The following ZC3H18 variants were observed in gnomAD, a reference collection of about 807,000 sequenced individuals.
The protein encoded by ZC3H18 is zinc finger CCCH-type containing 18, also known as zinc finger CCCH domain-containing protein 18.
In ZC3H18, 8 loss-of-function variants were observed where a neutral mutation model predicts 106.1. The observed-to-expected ratio is 0.08, with a 90% CI of 0.04 to 0.14. The LOEUF (loss-of-function observed/expected upper bound fraction) is 0.14, where lower values mean the gene tolerates loss of function less well. Ranked by LOEUF, ZC3H18 falls within the 10% of genes least tolerant of loss-of-function variation. The pLI is 1.00. For synonymous variants in ZC3H18, 635 were observed against 522.1 expected (o/e 1.22, Z -2.95); for missense variants, 1,318 against 1,278.4 (o/e 1.03, Z -0.47).
chr16:88,571,699 G>A (rs1914418542), intron 1 of ZC3H18: 1 of 984,348 alleles, frequency 1.0e-6, no homozygotes, highest in African/African-American at 1.7e-5. Flanking sequence ...CCTACATCGT[G>A]TTTACAGAGA....
chr16:88,616,152 C>T (rs1254012599), intron 8 of ZC3H18, among the ~76,000 whole-genome samples: 1 of 152,218 alleles, frequency 6.6e-6, no homozygotes, highest in Non-Finnish European at 1.5e-5. Flanking sequence ...AGGAGTCTTA[C>T]ATTCAGGAAG....
intron 2 of ZC3H18, among the ~76,000 whole-genome samples, chr16:88,578,961 C>T (rs1273829525): frequency 7.9e-5 from 12 of 152,166 alleles, no homozygotes; most frequent in African/African-American, 2.9e-4. Context: ...GTGCTGGGAT[C>T]ACAGGCGTGA....
intron 3 of ZC3H18, among the ~76,000 whole-genome samples, chr16:88,596,994 C>T (rs975034931): frequency 1.3e-5 from 2 of 152,214 alleles, no homozygotes; most frequent in Non-Finnish European, 2.9e-5. Flanking sequence ...GATCTCGGCT[C>T]ACTGCAAGCT....
chr16:88,630,676 C>T (rs550746694), intron 17 of ZC3H18, 95 bp downstream of exon 17: 4 of 1,125,654 alleles, frequency 3.6e-6, no homozygotes, highest in East Asian at 5.3e-5. Context: ...TAGCACTGGG[C>T]CAGGCTGGAG....
intron 16 of ZC3H18, among the ~76,000 whole-genome samples, chr16:88,629,956 C>T (rs559425727): frequency 1.3e-5 from 2 of 152,354 alleles, no homozygotes; most frequent in African/African-American, 4.8e-5. Context: ...GGCCTGTGCC[C>T]TGTGTGGCTG....
chr16:88,630,248 T>A (rs948167424), intron 16 of ZC3H18: 2 of 514,956 alleles, frequency 3.9e-6, no homozygotes, highest in Non-Finnish European at 6.9e-6. Context: ...CGTGAGATAT[T>A]GGCTGCTTGC....
intron 16 of ZC3H18, among the ~76,000 whole-genome samples, chr16:88,629,109 C>A (rs1442275982): frequency 6.6e-6 from 1 of 152,128 alleles, no homozygotes; most frequent in Admixed American, 6.5e-5. Flanking sequence ...GAGGCTGAGG[C>A]CGGCAGATCA....
intron 6 of ZC3H18, among the ~76,000 whole-genome samples, chr16:88,600,760 T>G (rs1045519228): frequency 2.6e-4 from 40 of 152,158 alleles, no homozygotes; most frequent in Admixed American, 2.0e-4. Flanking sequence ...AAGAAGTGCC[T>G]GGGTCGAAGG....
chr16:88,573,995 T>C (rs1186471658), intron 1 of ZC3H18, among the ~76,000 whole-genome samples: 1 of 151,592 alleles, frequency 6.6e-6, no homozygotes, highest in East Asian at 1.9e-4. Context: ...TGCCTCAGCC[T>C]CCCGAGCAGC....
chr16:88,615,620 T>C (rs2142768110), intron 8 of ZC3H18, among the ~76,000 whole-genome samples: 1 of 152,256 alleles, frequency 6.6e-6, no homozygotes, highest in South Asian at 2.1e-4. Context: ...ATTCACAAAA[T>C]AGGGGTTTTC....
intron 12 of ZC3H18, 57 bp downstream of exon 12, chr16:88,624,802 A>C (rs913070306): frequency 6.5e-7 from 1 of 1,535,796 alleles, no homozygotes; most frequent in African/African-American, 1.4e-5. Context: ...TGCCACTGTG[A>C]TGCTGGCACT....
rs981439509 is a variant in ZC3H18 at position 88,598,499 on chromosome 16, G to C, written c.838-121G>C. 1.5e-5 allele frequency: 21 copies of C among 1,442,010 alleles called. No homozygotes were observed. In the African/African-American group the frequency reaches 2.7e-4, roughly 18 times the overall value. The allele number at this position is 1,442,010 out of a possible 1,614,324, so 89.3% of individuals were successfully genotyped here. A position where few individuals can be genotyped will look rare whatever the true frequency, so the allele number is the denominator to read the frequency against. On this transcript the variant is annotated intron_variant, in intron 4 of 17. Coordinates refer to ENST00000301011, the MANE Select transcript of ZC3H18 (RefSeq NM_144604.4). ...GCTTTCCGAGGACGGAGTGAGGCTTGGTGGAAGGAGAGCGGCCACACACGG... is the reference window on the plus strand; with the variant it reads ...GCTTTCCGAGGACGGAGTGAGGCTTCGTGGAAGGAGAGCGGCCACACACGG...
At chr16:88,630,764 C>CCG (rs1906630298) in intron 17 of ZC3H18, among the ~76,000 whole-genome samples, 183 bp downstream of exon 17, 1 of 110,728 alleles carries the variant, frequency 9.0e-6, no homozygotes, top group African/African-American at 3.1e-5. Flanking sequence ...CCACCCCCCC[C>CCG]CACACACACA....
chr16:88,621,449 C>T (rs1055225334), intron 8 of ZC3H18, among the ~76,000 whole-genome samples: 8 of 152,200 alleles, frequency 5.3e-5, no homozygotes, highest in African/African-American at 1.9e-4. Flanking sequence ...TGGTCTCGAT[C>T]TCTTGACCTC....
chr16:88,575,230 G>C (rs1168551116), intron 1 of ZC3H18, among the ~76,000 whole-genome samples: 3 of 151,920 alleles, frequency 2.0e-5, no homozygotes, highest in African/African-American at 4.8e-5. Flanking sequence ...TCTTTAAACA[G>C]GTTGTATTAA....
intron 17 of ZC3H18, 98 bp from the exon 18 acceptor site, chr16:88,631,003 C>T (rs1313476202): frequency 1.0e-5 from 15 of 1,487,296 alleles, no homozygotes; most frequent in South Asian, 3.5e-5. Flanking sequence ...TCCTGGTGGC[C>T]GCTGAGGACA....
chr16:88,617,545 A>G (rs994961836), intron 8 of ZC3H18, among the ~76,000 whole-genome samples: 10 of 152,236 alleles, frequency 6.6e-5, no homozygotes, highest in African/African-American at 2.2e-4. Flanking sequence ...GTCATTAGAA[A>G]TGTAAACACT....
rs537996911 is a variant in ZC3H18, at chr16:88,580,535, C to G, written c.603+2809C>G. 9.2e-5 allele frequency among the ~76,000 whole-genome samples: 14 copies of G among 152,304 alleles called. No homozygotes were observed. The East Asian group carries it at 2.3e-3, about 25-fold the overall frequency. On this transcript the variant is annotated intron_variant, in intron 2 of 17. Coordinates refer to ENST00000301011, the MANE Select transcript of ZC3H18 (RefSeq NM_144604.4). Reference sequence around the variant, plus strand: ...TGTGCATGAAGAGCTGCCGCTCCGGCTGCTTCCAGCTTTTTCCTCCTCTCA... The same window carrying G: ...TGTGCATGAAGAGCTGCCGCTCCGGGTGCTTCCAGCTTTTTCCTCCTCTCA...
At chr16:88,571,213 A>G (rs1914385136) in intron 1 of ZC3H18, among the ~76,000 whole-genome samples, 1 of 152,194 alleles carries the variant, frequency 6.6e-6, no homozygotes, top group South Asian at 2.1e-4. Flanking sequence ...TTTTTCCTGA[A>G]TACTTTATGA....
Sources: allele counts gnomAD v4.1 joint callset (sites outside exome capture counted in the v4.1 genomes callset), GRCh38; gene constraint gnomAD v4.1.1; transcripts MANE v1.5; gene names NCBI Gene and HGNC (gene_info 2026-07-23, HGNC 2026-07-21).